The following FIP1L1 variants were observed in gnomAD, a reference collection of about 807,000 sequenced individuals.
The protein encoded by FIP1L1 is pre-mRNA 3'-end-processing factor FIP1.
Under a neutral mutation model 84.6 loss-of-function variants are expected in FIP1L1, and 21 were observed. The observed-to-expected ratio is 0.25, with a 90% confidence interval of 0.18 to 0.36. The LOEUF is 0.36. Among genes scored for constraint, FIP1L1 ranks in the 10% least tolerant of loss-of-function variants. The pLI, the probability that FIP1L1 is intolerant of heterozygous loss-of-function variation, is 1.00. For synonymous variants in FIP1L1, 263 were observed against 242.3 expected (o/e 1.09, Z -0.80); for missense variants, 526 against 751.1 (o/e 0.70, Z 3.50).
In FIP1L1 at chr4:53,379,078, T is replaced by C; in HGVS notation, c.91T>C (p.Trp31Arg). The C allele has an allele frequency of 6.2e-7, 1 of 1,614,068 alleles. No individual in the cohort carries two copies. The highest frequency in any genetic ancestry group is 8.5e-7 in the Non-Finnish European group (1 of 1,179,976). The change falls in exon 2 of 18, where the codon TGG (tryptophan) becomes CGG (arginine). Residue 31 changes from tryptophan (W) to arginine (R), a missense_variant. Trp to Arg is a moderately radical substitution (Grantham distance 101). Coordinates refer to ENST00000337488, the MANE Select transcript of FIP1L1 (RefSeq NM_030917.4). ...EEEEWLYGGP[W>R]DVHVHSDLAK... is the part of the protein sequence containing the mutation. ...AACTTTGGATGTGCTTATAGGCCCA[T>C]GGGACGTGCATGTGCACAGTGATTT...
At chr4:53,423,759 G>C (rs1763297354) in intron 11 of FIP1L1, among the ~76,000 whole-genome samples, 1 of 152,096 alleles carries the variant, frequency 6.6e-6, no homozygotes, top group African/African-American at 2.4e-5. Flanking sequence ...TGTTAAGGCT[G>C]ATTTCTCAGT....
intron 12 of FIP1L1, among the ~76,000 whole-genome samples, chr4:53,427,494 T>TA: frequency 6.6e-6 from 1 of 152,318 alleles, no homozygotes; most frequent in Admixed American, 6.5e-5. Flanking sequence ...ATGATAAAGT[T>TA]ACTTACATAT....
chr4:53,425,836 A>T, intron 11 of FIP1L1, 36 bp from the exon 12 acceptor site: 1 of 1,412,460 alleles, frequency 7.1e-7, no homozygotes, highest in Non-Finnish European at 9.9e-7. Flanking sequence ...GCATCTAATT[A>T]GGTGAAACTG....
In FIP1L1 at chr4:53,460,141, A is replaced by G. The variant is rs950218921; in HGVS notation, c.*692A>G. ...TGGCACAAATTTAAATCGCCTCATGACCATGTCTGTGAGCCAGGGTCAAGC... is the reference window on the plus strand; with the variant it reads ...TGGCACAAATTTAAATCGCCTCATGGCCATGTCTGTGAGCCAGGGTCAAGC... On this transcript the variant is annotated 3_prime_UTR_variant, in exon 18 of 18. Coordinates refer to ENST00000337488, the MANE Select transcript of FIP1L1 (RefSeq NM_030917.4). 1 of 198,974 alleles carries G rather than the reference A, an allele frequency of 5.0e-6. No homozygotes were observed. The highest frequency in any genetic ancestry group is 2.3e-5 in the African/African-American group (1 of 43,468). 12.3% of individuals were successfully genotyped at this position (198,974 alleles called of 1,614,324 possible).
chr4:53,383,676 A>C, intron 4 of FIP1L1, 97 bp from the exon 5 acceptor site: 1 of 870,400 alleles, frequency 1.1e-6, no homozygotes, highest in Non-Finnish European at 1.6e-6. Context: ...CAGAAGAAAG[A>C]AAAAAAAAAA....
chr4:53,381,445 C>G (rs1737818396), intron 3 of FIP1L1, among the ~76,000 whole-genome samples: 1 of 152,184 alleles, frequency 6.6e-6, no homozygotes, highest in Admixed American at 6.5e-5. Context: ...GCAAATGGGA[C>G]TTGCTTCTGG....
chr4:53,408,995 C>G (rs563888442), intron 10 of FIP1L1, among the ~76,000 whole-genome samples: 1 of 152,226 alleles, frequency 6.6e-6, no homozygotes, highest in Non-Finnish European at 1.5e-5. Context: ...TCTCTCAACT[C>G]GTCAAAGGCA....
intron 6 of FIP1L1, among the ~76,000 whole-genome samples, chr4:53,390,279 G>A (rs979340614): frequency 5.3e-5 from 8 of 152,050 alleles, no homozygotes; most frequent in Admixed American, 1.3e-4. Context: ...ATTTTTGACC[G>A]TACATCACAG....
chr4:53,404,359 G>A (rs1036013672), intron 10 of FIP1L1, among the ~76,000 whole-genome samples: 8 of 151,948 alleles, frequency 5.3e-5, no homozygotes, highest in South Asian at 2.1e-4. Flanking sequence ...TTTTATGGCT[G>A]CATAGTATTC....
At chr4:53,380,825 C>T (rs1178154698) in intron 3 of FIP1L1, among the ~76,000 whole-genome samples, 1 of 152,000 alleles carries the variant, frequency 6.6e-6, no homozygotes, top group African/African-American at 2.4e-5. Flanking sequence ...GTACCCATTC[C>T]TTCAGTTGGT....
intron 11 of FIP1L1, among the ~76,000 whole-genome samples, chr4:53,425,418 G>A (rs1763935845): frequency 6.6e-6 from 1 of 151,926 alleles, no homozygotes; most frequent in Admixed American, 6.6e-5. Context: ...TATATCACAA[G>A]GAAAATATCT....
At chr4:53,398,312 T>C (rs1194320885) in intron 9 of FIP1L1, among the ~76,000 whole-genome samples, 4 of 152,234 alleles carry the variant, frequency 2.6e-5, no homozygotes, top group Non-Finnish European at 5.9e-5. Context: ...AAAAATTTTT[T>C]TAAGTGGTAG....
intron 13 of FIP1L1, among the ~76,000 whole-genome samples, chr4:53,439,942 T>A (rs1771160240): frequency 6.6e-6 from 1 of 151,964 alleles, no homozygotes; most frequent in African/African-American, 2.4e-5. Context: ...TGAGTGAGAG[T>A]CACTCAAATT....
chr4:53,405,266 A>T (rs1460451392), intron 10 of FIP1L1, among the ~76,000 whole-genome samples: 2 of 151,932 alleles, frequency 1.3e-5, no homozygotes, highest in Non-Finnish European at 2.9e-5. Flanking sequence ...TAAATAGGGA[A>T]TCCTTTCCCC....
chr4:53,458,106 C>A (rs2150489290), intron 16 of FIP1L1, among the ~76,000 whole-genome samples: 1 of 152,170 alleles, frequency 6.6e-6, no homozygotes, highest in East Asian at 1.9e-4. Flanking sequence ...TGTCTCTGTT[C>A]TTTATTTTTA....
chr4:53,442,559 C>A (rs1772423097), intron 13 of FIP1L1, 94 bp from the exon 14 acceptor site: 5 of 812,624 alleles, frequency 6.2e-6, no homozygotes, highest in Non-Finnish European at 1.1e-5. Context: ...ATTCATATCC[C>A]CAGAGAAATT....
chr4:53,436,184 C>T (rs376053016), intron 13 of FIP1L1, among the ~76,000 whole-genome samples: 3 of 152,260 alleles, frequency 2.0e-5, no homozygotes, highest in African/African-American at 7.2e-5. Context: ...ACAAGTTACT[C>T]CAGAATGTAG....
At chr4:53,402,855 T>C (rs1161481643) in intron 10 of FIP1L1, among the ~76,000 whole-genome samples, 1 of 152,112 alleles carries the variant, frequency 6.6e-6, no homozygotes, top group Admixed American at 6.5e-5. Context: ...TGCCCTTAAG[T>C]AGAAGCATGG....
Position 53,377,895 on chromosome 4 carries a change from G to T in FIP1L1, c.57G>T (p.Gly19=). The part of the protein sequence containing the change: ...LVSELSGGTG[G]DEEEEWLYGG... ...CGGAGCTGAGCGGCGGGACCGGAGG[G>T]GATGAGGAGGAAGAGTGGCTCTATG... Residue 19 remains glycine (G), a synonymous_variant, in exon 1 of 18, where the codon GGG becomes GGT. Transcript: ENST00000337488. 6.2e-7 allele frequency: 1 copy of T among 1,600,778 alleles called. No homozygotes were observed.
Sources: gnomAD v4.1 joint callset for allele counts (sites outside exome capture counted in the v4.1 genomes callset) on GRCh38, gnomAD v4.1.1 for gene constraint, MANE v1.5 for transcripts, NCBI Gene and HGNC (gene_info 2026-07-23, HGNC 2026-07-21) for gene names.